CUX2: variants seen among roughly 807,000 people sequenced by gnomAD.
CUX2 encodes cut like homeobox 2, also known as homeobox protein cut-like 2.
Under a neutral mutation model 144.8 loss-of-function variants are expected in CUX2, and 40 were observed. That is an observed-to-expected ratio of 0.28 (90% CI 0.21 to 0.36). The LOEUF (loss-of-function observed/expected upper bound fraction) is 0.36. CUX2 is among the 10% of genes least tolerant of loss of function. The probability of loss-of-function intolerance (pLI) is 1.00; values close to 1 mark genes in which losing one functional copy is unlikely to be tolerated. For synonymous variants in CUX2, 827 were observed against 875.6 expected, an observed-to-expected ratio of 0.94 and a Z score of 0.98; for missense variants, 1,615 against 1,994.0, an observed-to-expected ratio of 0.81 and a Z score of 3.62.
chr12:111,177,295 C>T (rs1051936583), intron 1 of CUX2, among the ~76,000 whole-genome samples: 1 of 152,050 alleles, frequency 6.6e-6, no homozygotes, highest in Non-Finnish European at 1.5e-5. Flanking sequence ...ATAAAATTGC[C>T]CCCACTTTTC....
At position 111,038,591 on chromosome 12, in the gene CUX2, C is replaced by T. The variant is rs544826849; in HGVS notation, c.63+4351C>T. 4.6e-5 allele frequency among the ~76,000 whole-genome samples: 7 copies of T among 152,398 alleles called. 1 individual carries two copies. The South Asian group carries it at 1.4e-3, about 32-fold the overall frequency. ...AGAACCCACACCCTGTGGCCCTTTT[C>T]TGCAGAAAGAGCTAGAAACAGGTGT... On this transcript the variant is annotated intron_variant, in intron 1 of 21. Coordinates refer to ENST00000261726, the MANE Select transcript of CUX2 (RefSeq NM_015267.4).
chr12:111,241,291 G>A (rs1205938458), intron 3 of CUX2, among the ~76,000 whole-genome samples: 2 of 152,060 alleles, frequency 1.3e-5, no homozygotes, highest in African/African-American at 2.4e-5. Context: ...CCACCCCCAC[G>A]GCCCAAACAC....
At chr12:111,238,163 T>G (rs1323454329) in intron 3 of CUX2, among the ~76,000 whole-genome samples, 1 of 152,220 alleles carries the variant, frequency 6.6e-6, no homozygotes, top group South Asian at 2.1e-4. Context: ...CCCCAGTACA[T>G]GCCTTCCCAG....
intron 18 of CUX2, among the ~76,000 whole-genome samples, chr12:111,328,253 G>T (rs1887909474): frequency 6.6e-6 from 1 of 152,158 alleles, no homozygotes; most frequent in Non-Finnish European, 1.5e-5. Flanking sequence ...CTGGGTGTCA[G>T]GACCTGTCCA....
Position 111,322,368 on chromosome 12 carries a change from A to T in CUX2, c.2767-53A>T. 1 of 1,336,472 alleles carries T rather than the reference A, an allele frequency of 7.5e-7. No homozygotes were observed. The allele number at this position is 1,336,472 out of a possible 1,614,324, so 82.8% of individuals were successfully genotyped here. ...AAGGTTGGGGAGGAGAGTGAGGGCC[A>T]GGCCCATGTCCCAGGGGCCTGCTGA... On this transcript the variant is annotated intron_variant, in intron 17 of 21. Transcript: ENST00000261726. This position sits in a 1 kb window ranked among gnomAD's most constrained non-coding sequence, Gnocchi z 4.2.
intron 1 of CUX2, among the ~76,000 whole-genome samples, chr12:111,046,176 C>T (rs531306909): frequency 6.6e-6 from 1 of 152,246 alleles, no homozygotes; most frequent in East Asian, 1.9e-4. Context: ...TGCGCTGGCT[C>T]TTTGCAGAGA....
rs1308993106 is a variant in CUX2 at position 111,034,455 on chromosome 12, C to G, written c.63+215C>G. On this transcript the variant is annotated intron_variant, in intron 1 of 21. Coordinates refer to ENST00000261726, the MANE Select transcript of CUX2 (RefSeq NM_015267.4). This position sits in a 1 kb window ranked among gnomAD's most constrained non-coding sequence, Gnocchi z 4.2. The stretch of plus-strand genomic sequence containing the variant: ...GTTCGGTTCAGTCATCGATTAGCTG[C>G]CGCGACCATGGAGAAGCGCTAGTGA... 6.6e-6 allele frequency among the ~76,000 whole-genome samples: 1 copy of G among 151,678 alleles called. No individual in the cohort carries two copies. Among genetic ancestry groups the G allele is most frequent in the Admixed American group, 6.6e-5 (1 of 15,238 alleles).
intron 3 of CUX2, among the ~76,000 whole-genome samples, chr12:111,249,400 CTTTTTTTTTTT>C (rs778334868): frequency 3.7e-5 from 3 of 80,116 alleles, no homozygotes; most frequent in Admixed American, 2.7e-4. Flanking sequence ...GTGCTATTGC[CTTTTTTTTTTT>C]TTTTTTTTTT....
At chr12:111,192,232 T>G (rs559200644) in intron 1 of CUX2, among the ~76,000 whole-genome samples, 1 of 152,268 alleles carries the variant, frequency 6.6e-6, no homozygotes, top group Non-Finnish European at 1.5e-5. Flanking sequence ...GTTCAAGTGA[T>G]TCTTCTGCCT....
intron 1 of CUX2, among the ~76,000 whole-genome samples, chr12:111,105,830 G>A (rs1873569367): frequency 1.3e-5 from 2 of 151,400 alleles, no homozygotes; most frequent in South Asian, 4.2e-4. Flanking sequence ...ATTCATGGCA[G>A]CTCTGATTTC....
chr12:111,217,896 A>C lies in CUX2; in HGVS notation c.181A>C (p.Arg61=). 7 of 1,614,118 alleles carry C rather than the reference A, an allele frequency of 4.3e-6. No homozygotes were observed. Among genetic ancestry groups the C allele is most frequent in the Non-Finnish European group, 5.9e-6 (7 of 1,180,008 alleles). ...TTGCTGATCTCTTTTTCAGGAAATC[A>C]GAGAGATGGTGGCTCCTGTATTAAA... ...EFKKNVPEEI[R]EMVAPVLKSF... Residue 61 remains arginine, a synonymous_variant, in exon 3 of 22, where the codon AGA becomes CGA. Coordinates refer to ENST00000261726, the MANE Select transcript of CUX2 (RefSeq NM_015267.4).
intron 3 of CUX2, among the ~76,000 whole-genome samples, chr12:111,245,680 A>G (rs1424827953): frequency 6.6e-6 from 1 of 152,150 alleles, no homozygotes; most frequent in East Asian, 1.9e-4. Context: ...AATAAGGAGC[A>G]TTCGAGCTAA....
rs898860577 is a variant in CUX2 at position 111,097,895 on chromosome 12, GT to G, written c.63+63657del. 6.1e-4 allele frequency among the ~76,000 whole-genome samples: 93 copies of G among 152,216 alleles called. 1 individual carries two copies. Among genetic ancestry groups the G allele is most frequent in the African/African-American group, 2.2e-3 (92 of 41,452 alleles). ...CTGGGTTAGAGGTGAGCTTGGAGTG[GT>G]TGGTGGGTGTCAGATCAGACAAGGC... On this transcript the variant is annotated intron_variant, in intron 1 of 21. Coordinates refer to ENST00000261726, the MANE Select transcript of CUX2 (RefSeq NM_015267.4).
At chr12:111,080,983 G>A (rs768859625) in intron 1 of CUX2, among the ~76,000 whole-genome samples, 3 of 152,194 alleles carry the variant, frequency 2.0e-5, no homozygotes, top group Non-Finnish European at 4.4e-5. Flanking sequence ...AGTCAGTGCT[G>A]TAACTGTCGG....
At position 111,312,002 on chromosome 12, in the gene CUX2, C is replaced by T. The variant is rs1353429327; in HGVS notation, c.1901-98C>T. The T allele has an allele frequency of 3.1e-6, 3 of 959,344 alleles. No homozygotes were observed. Among genetic ancestry groups the T allele is most frequent in the Non-Finnish European group, 4.7e-6 (3 of 638,428 alleles). 59.4% of individuals were successfully genotyped at this position (959,344 alleles called of 1,614,324 possible). On this transcript the variant is annotated intron_variant, in intron 15 of 21. Transcript: ENST00000261726. This position sits in a 1 kb window ranked among gnomAD's most constrained non-coding sequence, Gnocchi z 4.3. ...CATCTCACTGATGGTCTGACCCTCA[C>T]TCTTCTGGGAGGAGGAGACAGCCCC...
At chr12:111,281,318 C>A (rs918583623) in intron 4 of CUX2, among the ~76,000 whole-genome samples, 1 of 152,094 alleles carries the variant, frequency 6.6e-6, no homozygotes, top group Non-Finnish European at 1.5e-5. Flanking sequence ...TTTGCACAAG[C>A]GGTGCCTCCC....
intron 3 of CUX2, among the ~76,000 whole-genome samples, chr12:111,257,107 G>A (rs919096969): frequency 3.3e-5 from 5 of 152,126 alleles, no homozygotes; most frequent in African/African-American, 1.2e-4. Context: ...ACAGTGGGCT[G>A]CGTAAATGCC....
rs115939073 is a variant in CUX2 at position 111,190,899 on chromosome 12, G to A, written c.64-23301G>A. ...CCCTCCTCACACTCACCTCCTGTTC[G>A]ATGCTGGTCTCCAGCCACCTTCACT... On this transcript the variant is annotated intron_variant, in intron 1 of 21. Coordinates refer to ENST00000261726, the MANE Select transcript of CUX2 (RefSeq NM_015267.4). This position sits in a 1 kb window ranked among gnomAD's most constrained non-coding sequence, Gnocchi z 4.0. 2.1e-3 allele frequency among the ~76,000 whole-genome samples: 317 copies of A among 152,256 alleles called. No homozygotes were observed. The highest frequency in any genetic ancestry group is 7.4e-3 in the African/African-American group (306 of 41,546).
chr12:111,337,979 G>T (rs1292177511), intron 19 of CUX2, among the ~76,000 whole-genome samples: 3 of 151,990 alleles, frequency 2.0e-5, no homozygotes, highest in African/African-American at 7.3e-5. Context: ...AGGCTGCAGG[G>T]AGCCAAGATC....
Sources: gnomAD v4.1 joint callset for allele counts (sites outside exome capture counted in the v4.1 genomes callset) on GRCh38, gnomAD v4.1.1 for gene constraint, Gnocchi (gnomAD v3.1) non-coding constraint, MANE v1.5 for transcripts, NCBI Gene and HGNC (gene_info 2026-07-23, HGNC 2026-07-21) for gene names.